The following NLGN1 variants were observed in gnomAD, a reference collection of about 807,000 sequenced individuals.
NLGN1 encodes neuroligin 1, also known as neuroligin-1.
In NLGN1, 12 loss-of-function variants were observed where a neutral mutation model predicts 65.5. The observed-to-expected ratio is 0.18, with a 90% CI of 0.12 to 0.30. The LOEUF is 0.30. Among genes scored for constraint, NLGN1 ranks in the 10% least tolerant of loss-of-function variants. The pLI, the probability that NLGN1 is intolerant of heterozygous loss-of-function variation, is 1.00. For synonymous variants in NLGN1, 350 were observed against 359.5 expected, an observed-to-expected ratio of 0.97 and a Z score of 0.30; for missense variants, 750 against 1,007.1, an observed-to-expected ratio of 0.74 and a Z score of 3.46.
chr3:173,773,663 A>C (rs1394253472), intron 3 of NLGN1, among the ~76,000 whole-genome samples: 2 of 152,190 alleles, frequency 1.3e-5, no homozygotes, highest in Non-Finnish European at 2.9e-5. Flanking sequence ...AATTCTTTTC[A>C]ATGCTGGAGA....
intron 4 of NLGN1, among the ~76,000 whole-genome samples, chr3:174,221,066 G>A (rs112234281): frequency 0.011 from 1,732 of 152,172 alleles, 44 homozygotes; most frequent in African/African-American, 0.04. Context: ...TCTCTTAATC[G>A]GCACTGCAGC....
intron 5 of NLGN1, among the ~76,000 whole-genome samples, chr3:174,276,286 T>C (rs184362344): frequency 1.3e-5 from 2 of 152,038 alleles, no homozygotes; most frequent in African/African-American, 4.8e-5. Flanking sequence ...CATGTTGTTC[T>C]TTATGAACTC....
intron 3 of NLGN1, among the ~76,000 whole-genome samples, chr3:173,637,090 G>T (rs766327655): frequency 3.9e-5 from 6 of 152,154 alleles, no homozygotes; most frequent in Middle Eastern, 6.8e-3. Context: ...TAGTTACTTT[G>T]CCTGAACAGC....
intron 3 of NLGN1, among the ~76,000 whole-genome samples, chr3:173,779,822 A>C (rs1314220796): frequency 2.7e-4 from 41 of 152,278 alleles, no homozygotes; most frequent in Non-Finnish European, 2.4e-4. Context: ...CTTAAAGATG[A>C]GTGGCAGAAT....
intron 3 of NLGN1, among the ~76,000 whole-genome samples, chr3:173,703,659 A>G (rs947562619): frequency 3.3e-5 from 5 of 152,244 alleles, no homozygotes; most frequent in Admixed American, 1.3e-4. Flanking sequence ...GTATTTTAAT[A>G]TCAAAGTTAA....
chr3:173,661,419 T>C lies in NLGN1; in HGVS notation c.493+56328T>C, dbSNP rs533177087. Among the ~76,000 whole-genome samples, 68 of 152,048 alleles carry C rather than the reference T, an allele frequency of 4.5e-4. No homozygotes were observed. In the Middle Eastern group the frequency reaches 0.01, roughly 23 times the overall value. ...GGGAGCATTTGGATTTGACTGTACA[T>C]CTGTCTGACTTCAAAGTCCAGGTTC... On this transcript the variant is annotated intron_variant, in intron 3 of 6. Coordinates refer to ENST00000457714, the Ensembl canonical transcript of NLGN1.
chr3:174,110,886 G>A (rs939224177), intron 4 of NLGN1, among the ~76,000 whole-genome samples: 4 of 151,838 alleles, frequency 2.6e-5, no homozygotes, highest in Non-Finnish European at 1.5e-5. Flanking sequence ...TAAGAAATAC[G>A]TGATTTTAGA....
chr3:173,854,558 A>G (rs1266077965), intron 4 of NLGN1, among the ~76,000 whole-genome samples: 1 of 151,734 alleles, frequency 6.6e-6, no homozygotes, highest in Admixed American at 6.6e-5. Flanking sequence ...AGCCTATTTA[A>G]CTTTTTTTAA....
At chr3:173,843,350 G>A (rs533584050) in intron 4 of NLGN1, among the ~76,000 whole-genome samples, 2 of 152,174 alleles carry the variant, frequency 1.3e-5, no homozygotes, top group African/African-American at 4.8e-5. Flanking sequence ...TCAGCTCCTG[G>A]TTACTTATGC....
chr3:173,654,485 A>T (rs1406737121), intron 3 of NLGN1, among the ~76,000 whole-genome samples: 1 of 152,292 alleles, frequency 6.6e-6, no homozygotes, highest in East Asian at 1.9e-4. Context: ...CTACCTATGC[A>T]TCAGGTCCCT....
At chr3:174,145,040 T>G (rs1182620507) in intron 4 of NLGN1, among the ~76,000 whole-genome samples, 1 of 152,142 alleles carries the variant, frequency 6.6e-6, no homozygotes, top group African/African-American at 2.4e-5. Context: ...TTTTAGGTCT[T>G]ACATTTAAGT....
chr3:174,032,821 G>A (rs1579894864), intron 4 of NLGN1, among the ~76,000 whole-genome samples: 1 of 152,132 alleles, frequency 6.6e-6, no homozygotes, highest in East Asian at 1.9e-4. Flanking sequence ...CCCAGTGGAG[G>A]AAGGGTATTA....
At chr3:173,858,260 GA>G (rs1189259419) in intron 4 of NLGN1, among the ~76,000 whole-genome samples, 3 of 152,014 alleles carry the variant, frequency 2.0e-5, no homozygotes, top group Non-Finnish European at 4.4e-5. Context: ...AAAGATACAT[GA>G]GTGAAGAAAA....
chr3:173,473,753 C>T (rs1725717331), intron 2 of NLGN1, among the ~76,000 whole-genome samples: 1 of 152,170 alleles, frequency 6.6e-6, no homozygotes, highest in African/African-American at 2.4e-5. Context: ...ATTTCCTACT[C>T]AGTTCCCAAA....
intron 3 of NLGN1, 148 bp from the exon 3 acceptor site, chr3:173,605,386 T>C: frequency 2.3e-6 from 1 of 442,204 alleles, no homozygotes; most frequent in Admixed American, 3.8e-5. Flanking sequence ...CATCAACATT[T>C]CCTCATTGCA....
chr3:173,953,672 A>G (rs1748656276), intron 4 of NLGN1, among the ~76,000 whole-genome samples: 1 of 152,092 alleles, frequency 6.6e-6, no homozygotes, highest in Non-Finnish European at 1.5e-5. Context: ...CTCCCACCTC[A>G]GCCTCCCAAG....
chr3:173,749,091 T>A (rs1296969131), intron 3 of NLGN1, among the ~76,000 whole-genome samples: 1 of 152,078 alleles, frequency 6.6e-6, no homozygotes, highest in African/African-American at 2.4e-5. Flanking sequence ...GTGAATACAG[T>A]GAAAATATAA....
chr3:173,501,095 T>C (rs919671611), intron 2 of NLGN1, among the ~76,000 whole-genome samples: 1 of 152,134 alleles, frequency 6.6e-6, no homozygotes, highest in African/African-American at 2.4e-5. Flanking sequence ...TTTATGTATT[T>C]ATTTATTTTG....
At chr3:174,151,432 G>A (rs1724328609) in intron 4 of NLGN1, among the ~76,000 whole-genome samples, 1 of 152,050 alleles carries the variant, frequency 6.6e-6, no homozygotes, top group East Asian at 1.9e-4. Context: ...CTGATTATGT[G>A]CATGATGTTT....
Sources: allele counts gnomAD v4.1 joint callset (sites outside exome capture counted in the v4.1 genomes callset), GRCh38; gene constraint gnomAD v4.1.1; transcripts MANE v1.5; gene names NCBI Gene and HGNC (gene_info 2026-07-23, HGNC 2026-07-21).